The following PAX7 variants were observed in gnomAD, a reference collection of about 807,000 sequenced individuals.
The protein encoded by PAX7 is paired box protein Pax-7.
Under a neutral mutation model 50.7 loss-of-function variants are expected in PAX7, and 18 were observed. The observed-to-expected ratio is 0.36, with a 90% CI of 0.25 to 0.53. The LOEUF (loss-of-function observed/expected upper bound fraction) is 0.53, where lower values mean the gene tolerates loss of function less well. Ranked by LOEUF, PAX7 falls within the 20% of genes least tolerant of loss-of-function variation. The pLI is 0.93. For synonymous variants in PAX7, 310 were observed against 290.4 expected, an observed-to-expected ratio of 1.07 and a Z score of -0.69; for missense variants, 644 against 702.9, an observed-to-expected ratio of 0.92 and a Z score of 0.95.
chr1:18,692,006 A>C, intron 5 of PAX7, 53 bp downstream of exon 5: 1 of 1,551,720 alleles, frequency 6.4e-7, no homozygotes, highest in Non-Finnish European at 8.8e-7. Context: ...GAGATTCAGA[A>C]GTTTGGGATG....
intron 4 of PAX7, among the ~76,000 whole-genome samples, chr1:18,648,309 T>A (rs2088377501): frequency 6.6e-6 from 1 of 151,354 alleles, no homozygotes; most frequent in African/African-American, 2.4e-5. Context: ...ATGTCACTCT[T>A]CATCCATTCA....
chr1:18,633,874 G>A (rs1286513274), intron 1 of PAX7, among the ~76,000 whole-genome samples: 1 of 152,234 alleles, frequency 6.6e-6, no homozygotes, highest in African/African-American at 2.4e-5. Flanking sequence ...ACGCAGGCAG[G>A]CCTGCAGCCC....
chr1:18,739,184 CT>C (rs1417035723), intron 8 of PAX7, among the ~76,000 whole-genome samples: 1 of 152,226 alleles, frequency 6.6e-6, no homozygotes, highest in Non-Finnish European at 1.5e-5. Context: ...AAAAACGAGG[CT>C]CAGAGAGGCG....
Position 18,635,385 on chromosome 1 carries a change from G to A in PAX7, c.451+145G>A, listed in dbSNP as rs1007887514. ...GTTGGGAGGAAAGGAGTACAGAAAG[G>A]CAGAGTTAAGGCATAGGAGTAAATC... On this transcript the variant is annotated intron_variant, in intron 3 of 8. Coordinates refer to ENST00000420770, the MANE Select transcript of PAX7 (RefSeq NM_001135254.2). 8 of 849,310 alleles carry A rather than the reference G, an allele frequency of 9.4e-6. No individual in the cohort carries two copies. The African/African-American group carries it at 1.4e-4, about 15-fold the overall frequency. 52.6% of individuals were successfully genotyped at this position (849,310 alleles called of 1,614,324 possible). A position where few individuals can be genotyped will look rare whatever the true frequency, so the allele number is the denominator to read the frequency against.
intron 5 of PAX7, among the ~76,000 whole-genome samples, chr1:18,697,394 A>G (rs1052336607): frequency 6.6e-6 from 1 of 152,196 alleles, no homozygotes; most frequent in Non-Finnish European, 1.5e-5. Context: ...CTTCCAGCTC[A>G]GCTATCTCAG....
chr1:18,748,840 G>T lies in PAX7; in HGVS notation c.*3911G>T. On this transcript the variant is annotated 3_prime_UTR_variant, in exon 9 of 9. Coordinates refer to ENST00000420770, the MANE Select transcript of PAX7 (RefSeq NM_001135254.2). ...CTTCCTCTGTAACTCAGGCGTAACT[G>T]TTATACATTAAAAGAAATTAAAAGC... is the stretch of plus-strand genomic sequence containing the variant. 4.9e-6 allele frequency: 1 copy of T among 204,630 alleles called. No individual in the cohort carries two copies. Among genetic ancestry groups the T allele is most frequent in the Non-Finnish European group, 1.0e-5 (1 of 99,910 alleles). The allele number at this position is 204,630 out of a possible 1,614,324, so 12.7% of individuals were successfully genotyped here.
At chr1:18,665,596 A>G (rs1170363555) in intron 4 of PAX7, among the ~76,000 whole-genome samples, 2 of 150,176 alleles carry the variant, frequency 1.3e-5, no homozygotes, top group Non-Finnish European at 2.9e-5. Flanking sequence ...GATGGTCTCC[A>G]TCTCTTGACC....
chr1:18,635,236 C>T lies in PAX7; in HGVS notation c.447C>T (p.Pro149=). The T allele has an allele frequency of 1.2e-6, 2 of 1,613,330 alleles. No individual in the cohort carries two copies. Among genetic ancestry groups the T allele is most frequent in the Non-Finnish European group, 1.7e-6 (2 of 1,179,674 alleles). ...KDGHCDRSTV[P]SGLVSSISRV... ...GGCACTGTGACCGAAGCACTGTGCC[C>T]TCAGGTGAGAAGGCAGCTGAGCCGG... Residue 149 remains proline (P), a synonymous_variant, in exon 3 of 9, where the codon CCC becomes CCT. Coordinates refer to ENST00000420770, the MANE Select transcript of PAX7 (RefSeq NM_001135254.2).
intron 4 of PAX7, among the ~76,000 whole-genome samples, chr1:18,671,677 C>T (rs2088751772): frequency 6.6e-6 from 1 of 152,102 alleles, no homozygotes; most frequent in South Asian, 2.1e-4. Flanking sequence ...AGTACCTCCA[C>T]TTTCTTCATT....
At chr1:18,717,036 T>TCCGCCGCCG (rs943235434) in intron 7 of PAX7, among the ~76,000 whole-genome samples, 1 of 149,338 alleles carries the variant, frequency 6.7e-6, no homozygotes, top group Non-Finnish European at 1.5e-5. Flanking sequence ...CTCCCCGCGC[T>TCCGCCGCCG]CCGCCGCCGC....
At chr1:18,637,429 C>G (rs1437117700) in intron 4 of PAX7, among the ~76,000 whole-genome samples, 1 of 152,170 alleles carries the variant, frequency 6.6e-6, no homozygotes, top group African/African-American at 2.4e-5. Context: ...AGGCGGCAGG[C>G]TGAGGGAATC....
intron 7 of PAX7, among the ~76,000 whole-genome samples, chr1:18,715,120 C>T (rs529183796): frequency 6.6e-6 from 1 of 152,262 alleles, no homozygotes; most frequent in East Asian, 1.9e-4. Context: ...TTGTGCTCTC[C>T]TCTGCCTCCA....
At position 18,632,809 on chromosome 1, in the gene PAX7, G is replaced by T. The variant is rs928618796; in HGVS notation, c.85+1121G>T. Among the ~76,000 whole-genome samples, 8 of 152,212 alleles carry T rather than the reference G, an allele frequency of 5.3e-5. No homozygotes were observed. The highest frequency in any genetic ancestry group is 1.7e-4 in the African/African-American group (7 of 41,464). Reference sequence around the variant, plus strand: ...TCCCTGAATTAGACAGAGGCGAAGAGAGCGGCTCCGTGATCAAGTGCGCGC... The same window carrying T: ...TCCCTGAATTAGACAGAGGCGAAGATAGCGGCTCCGTGATCAAGTGCGCGC... On this transcript the variant is annotated intron_variant, in intron 1 of 8. Transcript: ENST00000420770. The surrounding 1 kb of genome is among the most constrained non-coding windows in gnomAD (Gnocchi z 6.3).
chr1:18,719,142 C>T (rs1464148672), intron 7 of PAX7, among the ~76,000 whole-genome samples: 1 of 152,210 alleles, frequency 6.6e-6, no homozygotes, highest in African/African-American at 2.4e-5. Flanking sequence ...CTTTTGAGGG[C>T]ACAGTGGGTG....
chr1:18,722,222 G>T (rs528604857), intron 7 of PAX7, among the ~76,000 whole-genome samples: 2 of 152,126 alleles, frequency 1.3e-5, no homozygotes, highest in African/African-American at 2.4e-5. Context: ...TAATCAGAGC[G>T]GGGGGCCCAG....
intron 1 of PAX7, among the ~76,000 whole-genome samples, chr1:18,633,625 G>A (rs1450757038): frequency 6.6e-6 from 1 of 152,232 alleles, no homozygotes; most frequent in Non-Finnish European, 1.5e-5. Flanking sequence ...TTAGAAGCAA[G>A]GAGAGTCACC....
Position 18,735,567 on chromosome 1 carries a change from C to T in PAX7, c.1156-65C>T. ...GTTCCAGGGCCAGCCTGGCATTGTG[C>T]CCAGTGTGCTCGTGTCTCTGGGGTC... On this transcript the variant is annotated intron_variant, in intron 7 of 8. Transcript: ENST00000420770. This position sits in a 1 kb window ranked among gnomAD's most constrained non-coding sequence, Gnocchi z 4.0. The T allele has an allele frequency of 6.4e-7, 1 of 1,556,570 alleles. No individual in the cohort carries two copies. The highest frequency in any genetic ancestry group is 8.7e-7 in the Non-Finnish European group (1 of 1,145,750).
intron 4 of PAX7, among the ~76,000 whole-genome samples, chr1:18,651,723 T>G (rs2088433638): frequency 6.6e-6 from 1 of 152,086 alleles, no homozygotes; most frequent in Admixed American, 6.5e-5. Context: ...CATCCTGAGT[T>G]GGAAGATTTG....
intron 4 of PAX7, among the ~76,000 whole-genome samples, chr1:18,671,877 C>T (rs1044472338): frequency 3.3e-5 from 5 of 150,856 alleles, no homozygotes; most frequent in Admixed American, 6.6e-5. Context: ...CTTGGGAGGT[C>T]GAGGCAGGAG....
Sources: gnomAD v4.1 joint callset for allele counts (sites outside exome capture counted in the v4.1 genomes callset) on GRCh38, gnomAD v4.1.1 for gene constraint, Gnocchi (gnomAD v3.1) non-coding constraint, MANE v1.5 for transcripts, NCBI Gene and HGNC (gene_info 2026-07-23, HGNC 2026-07-21) for gene names.